IGSF5: variants seen among roughly 807,000 people sequenced by gnomAD.
The protein encoded by IGSF5 is immunoglobulin superfamily member 5.
Under a neutral mutation model 39.4 loss-of-function variants are expected in IGSF5, and 41 were observed. The ratio of observed to expected loss-of-function variants is 1.04; its 90% confidence interval spans 0.81 to 1.35. The LOEUF (loss-of-function observed/expected upper bound fraction) is 1.35. Ranked by LOEUF, IGSF5 falls within the 40% of genes most tolerant of loss-of-function variation. The pLI is 0.00. For synonymous variants in IGSF5, 183 were observed against 175.3 expected, an observed-to-expected ratio of 1.04 and a Z score of -0.34; for missense variants, 487 against 494.6, an observed-to-expected ratio of 0.98 and a Z score of 0.15.
At chr21:39,714,089 C>T in the IGSF5 span, among the ~76,000 whole-genome samples, 1 of 152,222 alleles carries the variant, frequency 6.6e-6, no homozygotes, top group African/African-American at 2.4e-5. Flanking sequence ...GCGAGCTGCT[C>T]CTACTCCTCT....
At position 39,801,608 on chromosome 21, in the gene IGSF5, C is replaced by A; in HGVS notation, c.*251C>A. On this transcript the variant is annotated 3_prime_UTR_variant, in exon 9 of 9. Transcript: ENST00000380588. ...CCATGAAGTTACTAAGTAAAAGCTGCAAATTCATCATAATTTTTCTCAACA... is the reference window on the plus strand; with the variant it reads ...CCATGAAGTTACTAAGTAAAAGCTGAAAATTCATCATAATTTTTCTCAACA... 1 of 353,122 alleles carries A rather than the reference C, an allele frequency of 2.8e-6. No individual in the cohort carries two copies. The highest frequency in any genetic ancestry group is 5.1e-6 in the Non-Finnish European group (1 of 194,454). The allele number at this position is 353,122 out of a possible 1,614,324, so 21.9% of individuals were successfully genotyped here. A position where few individuals can be genotyped will look rare whatever the true frequency, so the allele number is the denominator to read the frequency against.
upstream of IGSF5, among the ~76,000 whole-genome samples, chr21:39,741,665 C>A (rs1417605331): frequency 6.6e-6 from 1 of 152,116 alleles, no homozygotes; most frequent in African/African-American, 2.4e-5. Context: ...TATCCCTGAA[C>A]CCTTGGGGTA....
At chr21:39,753,930 T>G (rs965200077) in intron 2 of IGSF5, among the ~76,000 whole-genome samples, 1 of 152,128 alleles carries the variant, frequency 6.6e-6, no homozygotes, top group Non-Finnish European at 1.5e-5. Flanking sequence ...GTTTTTTTGT[T>G]TTTTTTTAGT....
At chr21:39,740,767 G>A (rs983824970), upstream of IGSF5, among the ~76,000 whole-genome samples, 2 of 152,172 alleles carry the variant, frequency 1.3e-5, no homozygotes, top group African/African-American at 4.8e-5. Flanking sequence ...GAAGAAATGT[G>A]TCCAGGTTAA....
chr21:39,720,663 A>T, the IGSF5 span, among the ~76,000 whole-genome samples: 2 of 152,206 alleles, frequency 1.3e-5, no homozygotes, highest in Non-Finnish European at 2.9e-5. Flanking sequence ...TCCTGGATGG[A>T]ATTCAAGAGA....
chr21:39,727,071 G>A, the IGSF5 span, among the ~76,000 whole-genome samples: 1 of 152,038 alleles, frequency 6.6e-6, no homozygotes, highest in South Asian at 2.1e-4. Context: ...TACCTATGAT[G>A]CTTTGACACC....
upstream of IGSF5, among the ~76,000 whole-genome samples, chr21:39,742,435 T>C (rs2079952416): frequency 6.6e-6 from 1 of 152,186 alleles, no homozygotes; most frequent in African/African-American, 2.4e-5. Flanking sequence ...AGGAGACAGT[T>C]AACCTCTTGG....
chr21:39,783,567 GC>G (rs753059952), intron 5 of IGSF5, among the ~76,000 whole-genome samples: 220 of 152,090 alleles, frequency 1.4e-3, no homozygotes, highest in Non-Finnish European at 2.7e-3. Context: ...TTTTAACATT[GC>G]ATTGTTTTTT....
At chr21:39,739,353 C>T in the IGSF5 span, among the ~76,000 whole-genome samples, 1 of 151,966 alleles carries the variant, frequency 6.6e-6, no homozygotes. Context: ...CCGTTGCTGG[C>T]TCGAATGCCT....
intron 2 of IGSF5, among the ~76,000 whole-genome samples, chr21:39,756,553 C>T (rs776148484): frequency 7.2e-5 from 11 of 152,110 alleles, no homozygotes; most frequent in Non-Finnish European, 1.3e-4. Context: ...GACGGGTGGA[C>T]GAGACTCGCA....
At chr21:39,799,619 G>A (rs942880995) in intron 8 of IGSF5, among the ~76,000 whole-genome samples, 2 of 151,568 alleles carry the variant, frequency 1.3e-5, no homozygotes, top group African/African-American at 4.9e-5. Flanking sequence ...AGAATTACTT[G>A]TACCTCGTGT....
chr21:39,765,107 C>T (rs1433097673), intron 2 of IGSF5, among the ~76,000 whole-genome samples: 2 of 152,200 alleles, frequency 1.3e-5, no homozygotes, highest in African/African-American at 4.8e-5. Flanking sequence ...ATGTTCTTCT[C>T]TGCAGGCCTC....
the IGSF5 span, among the ~76,000 whole-genome samples, chr21:39,737,177 C>T: frequency 4.0e-5 from 6 of 149,404 alleles, no homozygotes; most frequent in East Asian, 3.9e-4. Context: ...TCCTCTTGTT[C>T]GTGTGAAAAA....
chr21:39,783,482 T>A (rs1792102573), intron 5 of IGSF5, among the ~76,000 whole-genome samples: 1 of 152,226 alleles, frequency 6.6e-6, no homozygotes, highest in South Asian at 2.1e-4. Flanking sequence ...GAATGTTTTT[T>A]CATACATTTG....
chr21:39,780,825 G>C (rs997459534), intron 5 of IGSF5, among the ~76,000 whole-genome samples: 1 of 152,184 alleles, frequency 6.6e-6, no homozygotes, highest in African/African-American at 2.4e-5. Context: ...GAATGCTCCA[G>C]GACTTTCCAT....
At position 39,762,306 on chromosome 21, in the gene IGSF5, C is replaced by T. The variant is rs180945407; in HGVS notation, c.101-3229C>T. 1.8e-3 allele frequency among the ~76,000 whole-genome samples: 274 copies of T among 152,256 alleles called. 3 individuals carry two copies. Among genetic ancestry groups the T allele is most frequent in the African/African-American group, 6.1e-3 (255 of 41,546 alleles). ...GTGCCCAAGGTGATCAGGATTACAA[C>T]TTAGTTTTATACATTTTAGGGAGAC... On this transcript the variant is annotated intron_variant, in intron 2 of 8. Transcript: ENST00000380588.
intron 5 of IGSF5, among the ~76,000 whole-genome samples, chr21:39,784,168 T>A (rs2080185274): frequency 6.6e-6 from 1 of 152,206 alleles, no homozygotes; most frequent in Non-Finnish European, 1.5e-5. Flanking sequence ...AGGGAAATTG[T>A]TTTTACCTGG....
intron 2 of IGSF5, among the ~76,000 whole-genome samples, chr21:39,748,299 A>ATTTT (rs1569246431): frequency 8.5e-4 from 37 of 43,698 alleles, no homozygotes; most frequent in Admixed American, 2.7e-3. Flanking sequence ...AGAAAACAAG[A>ATTTT]TCTTTTTTTT....
the IGSF5 span, among the ~76,000 whole-genome samples, chr21:39,731,911 A>G: frequency 1.7e-4 from 26 of 152,324 alleles, no homozygotes; most frequent in African/African-American, 6.3e-4. Flanking sequence ...TAATAGAGTG[A>G]CACTGTGCCC....
Sources: allele counts gnomAD v4.1 joint callset (sites outside exome capture counted in the v4.1 genomes callset), GRCh38; gene constraint gnomAD v4.1.1; transcripts MANE v1.5; gene names NCBI Gene and HGNC (gene_info 2026-07-23, HGNC 2026-07-21).